The following SRGAP2B variants were observed in gnomAD, a reference collection of about 807,000 sequenced individuals.
The protein encoded by SRGAP2B is SLIT-ROBO Rho GTPase activating protein 2B.
A neutral mutation model predicts 22.2 loss-of-function variants in SRGAP2B; 9 were observed. That is an observed-to-expected ratio of 0.41 (90% confidence interval 0.24 to 0.71). The LOEUF is 0.71. Ranked by LOEUF, SRGAP2B falls within the 30% of genes least tolerant of loss-of-function variation. The probability of loss-of-function intolerance (pLI) is 0.35; values close to 1 mark genes in which losing one functional copy is unlikely to be tolerated. For synonymous variants in SRGAP2B, 36 were observed against 87.4 expected, an observed-to-expected ratio of 0.41 and a Z score of 3.28; for missense variants, 114 against 235.8, an observed-to-expected ratio of 0.48 and a Z score of 3.38.
In SRGAP2B at chr1:144,954,701, G is replaced by A. The variant is rs1313025777; in HGVS notation, c.423+738C>T. On this transcript the variant is annotated intron_variant, in intron 4 of 9. Transcript: ENST00000612199. ...GGATTTTCAAGAGGCTGGTTCCATC[G>A]TTGACAGGTAAGGTGAATTGGGTCC... Among the ~76,000 whole-genome samples the A allele has an allele frequency of 7.3e-5, 11 of 150,776 alleles. 1 individual carries two copies. Among genetic ancestry groups the A allele is most frequent in the East Asian group, 1.9e-4 (1 of 5,162 alleles).
chr1:144,984,407 A>G (rs1553615584), intron 3 of SRGAP2B, among the ~76,000 whole-genome samples: 1 of 147,802 alleles, frequency 6.8e-6, no homozygotes, highest in African/African-American at 2.5e-5. Flanking sequence ...TTTCTTTTAA[A>G]GATACCATTA....
chr1:144,944,452 T>C (rs1425264215), intron 4 of SRGAP2B, among the ~76,000 whole-genome samples: 2 of 148,908 alleles, frequency 1.3e-5, no homozygotes, highest in African/African-American at 2.5e-5. Context: ...CCAAGCATGA[T>C]GGTACACACC....
At chr1:144,904,765 T>C (rs1259323366) in intron 7 of SRGAP2B, among the ~76,000 whole-genome samples, 1 of 99,902 alleles carries the variant, frequency 1.0e-5, no homozygotes, top group East Asian at 2.7e-4. Flanking sequence ...AGTGTAGTGG[T>C]TATGAGCCTG....
In SRGAP2B at chr1:144,994,567, T is replaced by TGA. The variant is rs56165682; in HGVS notation, c.260+439_260+440dup. Among the ~76,000 whole-genome samples, 232 of 122,474 alleles carry TGA rather than the reference T, an allele frequency of 1.9e-3. 6 individuals carry two copies. The highest frequency in any genetic ancestry group is 1.9e-3 in the East Asian group (8 of 4,228). 80.3% of individuals were successfully genotyped at this position (122,474 alleles called of 152,430 possible). A position where few individuals can be genotyped will look rare whatever the true frequency, so the allele number is the denominator to read the frequency against. On this transcript the variant is annotated intron_variant, in intron 3 of 9. Transcript: ENST00000612199. Reference sequence around the variant, plus strand: ...GTGAGTGTGAGTGTGTGTGTGTGTGTGAGAGAGAGAGAGAGAGAGAGAGAG... The same window carrying TGA: ...GTGAGTGTGAGTGTGTGTGTGTGTGTGAGAGAGAGAGAGAGAGAGAGAGAGAG...
intron 4 of SRGAP2B, among the ~76,000 whole-genome samples, chr1:144,925,743 G>GAAAGAA (rs1664652965): frequency 2.4e-5 from 3 of 124,974 alleles, no homozygotes; most frequent in African/African-American, 9.5e-5. Flanking sequence ...AAGAAAGAAA[G>GAAAGAA]AAAGAAAGAA....
At chr1:144,891,732 T>C (rs1662125915) in exon 10 of SRGAP2B, 1 of 53,574 alleles carries the variant, frequency 1.9e-5, no homozygotes, top group African/African-American at 9.3e-5. Flanking sequence ...TTAGAAAAAA[T>C]AGTTTCCCAA....
At chr1:144,965,395 G>A (rs2993868) in intron 3 of SRGAP2B, among the ~76,000 whole-genome samples, 3 of 122,036 alleles carry the variant, frequency 2.5e-5, no homozygotes, top group Non-Finnish European at 5.1e-5. Context: ...CACCTCACAC[G>A]GCAGGGTATT....
chr1:145,088,799 C>A (rs1215308939), intron 2 of SRGAP2B, among the ~76,000 whole-genome samples: 5 of 133,096 alleles, frequency 3.8e-5, no homozygotes, highest in African/African-American at 1.4e-4. Flanking sequence ...CAGTTTATGA[C>A]CATGAATCTG....
chr1:145,044,585 G>A (rs1553628232), intron 2 of SRGAP2B, among the ~76,000 whole-genome samples: 1 of 117,712 alleles, frequency 8.5e-6, no homozygotes, highest in Non-Finnish European at 1.6e-5. Context: ...TGTTTAATCC[G>A]GGTGTTGAGT....
chr1:144,972,087 G>A (rs587594115), intron 3 of SRGAP2B, among the ~76,000 whole-genome samples: 28 of 149,046 alleles, frequency 1.9e-4, no homozygotes, highest in Admixed American at 1.3e-3. Context: ...GCCTAACGGC[G>A]CCTGAAAGCA....
chr1:145,070,055 C>T (rs199490461), intron 2 of SRGAP2B, among the ~76,000 whole-genome samples: 1 of 149,074 alleles, frequency 6.7e-6, no homozygotes, highest in African/African-American at 2.5e-5. Context: ...TTTTTTAAAG[C>T]GCTGATGGAA....
At position 144,984,365 on chromosome 1, in the gene SRGAP2B, C is replaced by CAA. The variant is rs57268593; in HGVS notation, c.260+10641_260+10642dup. On this transcript the variant is annotated intron_variant, in intron 3 of 9. Coordinates refer to ENST00000612199, the Ensembl canonical transcript of SRGAP2B. ...ACAACAACAACAACAACAACAACAA[C>CAA]AAAAAAAAAAAAACAAAAAAGCCCC... Among the ~76,000 whole-genome samples the CAA allele has an allele frequency of 4.1e-3, 513 of 126,410 alleles. 18 individuals are homozygous for CAA. Among genetic ancestry groups the CAA allele is most frequent in the African/African-American group, 8.1e-3 (261 of 32,230 alleles). The allele number at this position is 126,410 out of a possible 152,430, so 82.9% of individuals were successfully genotyped here.
chr1:144,934,164 G>T (rs1553606036), intron 4 of SRGAP2B, among the ~76,000 whole-genome samples: 1 of 150,402 alleles, frequency 6.6e-6, no homozygotes, highest in African/African-American at 2.5e-5. Context: ...CAGCAGTTTG[G>T]GAGGCCGAGG....
intron 2 of SRGAP2B, among the ~76,000 whole-genome samples, chr1:145,036,282 T>C (rs1264123529): frequency 7.1e-6 from 1 of 140,990 alleles, no homozygotes; most frequent in Non-Finnish European, 1.5e-5. Flanking sequence ...AATTCCCAAG[T>C]TGCCATGGCA....
intron 2 of SRGAP2B, among the ~76,000 whole-genome samples, chr1:145,059,035 A>G (rs1650723978): frequency 7.7e-6 from 1 of 130,200 alleles, no homozygotes. Context: ...AAAATCTATA[A>G]TCTTCTCAAG....
intron 2 of SRGAP2B, among the ~76,000 whole-genome samples, chr1:145,008,847 G>A (rs1671798555): frequency 7.1e-6 from 1 of 140,996 alleles, no homozygotes; most frequent in African/African-American, 2.8e-5. Flanking sequence ...TAGTGGTTAA[G>A]TTTAAAAAAA....
At chr1:144,979,140 TCA>T (rs1232956769) in intron 3 of SRGAP2B, among the ~76,000 whole-genome samples, 6 of 151,270 alleles carry the variant, frequency 4.0e-5, no homozygotes, top group African/African-American at 1.2e-4. Context: ...CCTCCTGGGT[TCA>T]CACCATTCTC....
In SRGAP2B at chr1:144,917,545, T is replaced by C. The variant is rs1334069319; in HGVS notation, c.424-2791A>G. ...AATAACCTAGCCCCAGAGTGGGGGA[T>C]GGGGGAAGAAGAGGAGGGAAAAGTG... is the stretch of plus-strand genomic sequence containing the variant. On this transcript the variant is annotated intron_variant, in intron 4 of 9. Coordinates refer to ENST00000612199, the Ensembl canonical transcript of SRGAP2B. Among the ~76,000 whole-genome samples the C allele has an allele frequency of 2.1e-5, 3 of 141,714 alleles. No homozygotes were observed. In the East Asian group the frequency reaches 6.2e-4, roughly 29 times the overall value. 93.0% of individuals were successfully genotyped at this position (141,714 alleles called of 152,430 possible).
chr1:144,966,282 C>G (rs1358072754), intron 3 of SRGAP2B, among the ~76,000 whole-genome samples: 1 of 150,050 alleles, frequency 6.7e-6, no homozygotes, highest in Non-Finnish European at 1.5e-5. Context: ...ATCAGACTAA[C>G]AGCAAATCTC....
Sources: allele counts gnomAD v4.1 joint callset (sites outside exome capture counted in the v4.1 genomes callset), GRCh38; gene constraint gnomAD v4.1.1; transcripts MANE v1.5; gene names NCBI Gene and HGNC (gene_info 2026-07-23, HGNC 2026-07-21).